The following SCHIP1 variants were observed in gnomAD, a reference collection of about 807,000 sequenced individuals.
SCHIP1 encodes schwannomin interacting protein 1.
Under a neutral mutation model 29.7 loss-of-function variants are expected in SCHIP1, and 8 were observed. The ratio of observed to expected loss-of-function variants is 0.27; its 90% confidence interval spans 0.16 to 0.49. The LOEUF (loss-of-function observed/expected upper bound fraction) is 0.49, where lower values mean the gene tolerates loss of function less well. Ranked by LOEUF, SCHIP1 falls within the 20% of genes least tolerant of loss-of-function variation. The pLI is 0.99. For missense variants in SCHIP1, 193 were observed against 294.6 expected (o/e 0.66, Z 2.52); for synonymous variants, 76 against 94.9 (o/e 0.80, Z 1.16).
the SCHIP1 span, among the ~76,000 whole-genome samples, chr3:159,716,616 C>T: frequency 2.6e-5 from 4 of 152,038 alleles, no homozygotes; most frequent in Non-Finnish European, 5.9e-5. Flanking sequence ...AGACTTTAAA[C>T]CAACAAAGAT....
At chr3:159,536,775 C>T in the SCHIP1 span, among the ~76,000 whole-genome samples, 1 of 152,178 alleles carries the variant, frequency 6.6e-6, no homozygotes, top group Admixed American at 6.5e-5. Context: ...CTAATTGTTA[C>T]ATTTTCAGGA....
the SCHIP1 span, among the ~76,000 whole-genome samples, chr3:159,556,143 T>G: frequency 1.8e-4 from 27 of 152,266 alleles, no homozygotes; most frequent in African/African-American, 6.3e-4. Context: ...AAGACATTTA[T>G]GCAGCCAAAA....
the SCHIP1 span, among the ~76,000 whole-genome samples, chr3:159,400,853 G>A: frequency 4.5e-3 from 683 of 152,300 alleles, 1 homozygote; most frequent in African/African-American, 0.016. Flanking sequence ...TTGGGCCCAA[G>A]TGATGATAGC....
the SCHIP1 span, among the ~76,000 whole-genome samples, chr3:159,298,520 G>C: frequency 9.2e-4 from 140 of 152,258 alleles, no homozygotes; most frequent in African/African-American, 3.1e-3. Context: ...TACCAAACTT[G>C]CCTACTCTGA....
At chr3:159,390,854 G>A in the SCHIP1 span, among the ~76,000 whole-genome samples, 1 of 151,972 alleles carries the variant, frequency 6.6e-6, no homozygotes, top group Non-Finnish European at 1.5e-5. Flanking sequence ...ATGCCTCAGG[G>A]AGAGAAAAAA....
chr3:159,508,662 G>A, the SCHIP1 span, among the ~76,000 whole-genome samples: 3 of 152,152 alleles, frequency 2.0e-5, no homozygotes, highest in African/African-American at 7.2e-5. Context: ...ATTCTGGTAT[G>A]TTGTGTCTTT....
chr3:159,289,491 C>T, the SCHIP1 span, among the ~76,000 whole-genome samples: 2 of 152,064 alleles, frequency 1.3e-5, no homozygotes, highest in African/African-American at 2.4e-5. Flanking sequence ...CCTTCTTCTT[C>T]ATCTGGCAGC....
At chr3:159,283,961 T>C in the SCHIP1 span, among the ~76,000 whole-genome samples, 1 of 152,186 alleles carries the variant, frequency 6.6e-6, no homozygotes, top group African/African-American at 2.4e-5. Flanking sequence ...TTATTTCTAT[T>C]TTATGGTATG....
the SCHIP1 span, among the ~76,000 whole-genome samples, chr3:159,335,470 C>A: frequency 2.2e-3 from 342 of 152,120 alleles, 1 homozygote; most frequent in African/African-American, 7.7e-3. Context: ...TTAGGTATAC[C>A]TCCTAATGCT....
the SCHIP1 span, among the ~76,000 whole-genome samples, chr3:159,576,928 G>T: frequency 4.6e-5 from 7 of 151,956 alleles, no homozygotes; most frequent in Admixed American, 6.6e-5. Context: ...AATAAACATT[G>T]GAGAAGGTGT....
At chr3:159,704,860 C>A in the SCHIP1 span, among the ~76,000 whole-genome samples, 1 of 147,526 alleles carries the variant, frequency 6.8e-6, no homozygotes, top group African/African-American at 2.5e-5. Flanking sequence ...TTCCTTCCTT[C>A]CTTTTTTCTT....
At chr3:159,496,342 T>C in the SCHIP1 span, among the ~76,000 whole-genome samples, 2 of 152,162 alleles carry the variant, frequency 1.3e-5, no homozygotes, top group African/African-American at 2.4e-5. Context: ...AGAAAATTTT[T>C]GCAACCTACT....
intron 2 of SCHIP1, among the ~76,000 whole-genome samples, chr3:159,871,361 GGGGGGGT>G: frequency 7.7e-6 from 1 of 130,406 alleles, no homozygotes; most frequent in Non-Finnish European, 1.6e-5. Flanking sequence ...TTGTTTGTTG[GGGGGGGT>G]GGGGGGGGGC....
the SCHIP1 span, among the ~76,000 whole-genome samples, chr3:159,392,600 A>T: frequency 6.6e-6 from 1 of 151,938 alleles, no homozygotes; most frequent in Non-Finnish European, 1.5e-5. Context: ...ACTGAGAATG[A>T]TGATTTCCAA....
chr3:159,689,447 T>C, the SCHIP1 span, among the ~76,000 whole-genome samples: 1 of 152,240 alleles, frequency 6.6e-6, no homozygotes, highest in African/African-American at 2.4e-5. Context: ...ACATTGATTT[T>C]TGTATCCTGA....
the SCHIP1 span, among the ~76,000 whole-genome samples, chr3:159,654,617 T>A: frequency 4.0e-5 from 6 of 151,864 alleles, no homozygotes; most frequent in African/African-American, 1.5e-4. Flanking sequence ...AAGAAGGTGA[T>A]GAAAGCAGGT....
chr3:159,335,509 A>G, the SCHIP1 span, among the ~76,000 whole-genome samples: 2 of 152,136 alleles, frequency 1.3e-5, no homozygotes, highest in Middle Eastern at 3.4e-3. Context: ...CCAGTCCACA[A>G]CAGGCCCTGG....
chr3:159,637,468 GAA>G, the SCHIP1 span, among the ~76,000 whole-genome samples: 22 of 151,572 alleles, frequency 1.5e-4, no homozygotes, highest in African/African-American at 5.3e-4. Context: ...GTAACCAAGA[GAA>G]AGTCTCTTAA....
chr3:159,274,706 C>T, the SCHIP1 span: 1 of 817,892 alleles, frequency 1.2e-6, no homozygotes, highest in Non-Finnish European at 1.5e-6. Flanking sequence ...TTTTGATTAG[C>T]TATTCAAATT....
Sources: allele counts gnomAD v4.1 joint callset (sites outside exome capture counted in the v4.1 genomes callset), GRCh38; gene constraint gnomAD v4.1.1; transcripts MANE v1.5; gene names NCBI Gene and HGNC (gene_info 2026-07-23, HGNC 2026-07-21).